Variants in RAP1GAP2 observed in about 807,000 individuals in gnomAD.
RAP1GAP2 encodes RAP1 GTPase activating protein 2.
Under a neutral mutation model 95.0 loss-of-function variants are expected in RAP1GAP2, and 27 were observed. The observed-to-expected ratio is 0.28, with a 90% CI of 0.21 to 0.39. The LOEUF (loss-of-function observed/expected upper bound fraction) is 0.39. Among genes scored for constraint, RAP1GAP2 ranks in the 10% least tolerant of loss-of-function variants. The pLI, the probability that RAP1GAP2 is intolerant of heterozygous loss-of-function variation, is 1.00. For synonymous variants in RAP1GAP2, 373 were observed against 380.9 expected, an observed-to-expected ratio of 0.98 and a Z score of 0.24; for missense variants, 771 against 970.0, an observed-to-expected ratio of 0.79 and a Z score of 2.72.
intron 2 of RAP1GAP2, among the ~76,000 whole-genome samples, chr17:2,865,333 A>G (rs2072577137): frequency 6.6e-6 from 1 of 152,218 alleles, no homozygotes; most frequent in African/African-American, 2.4e-5. Context: ...AAGGGATCAG[A>G]TGGGTCTCTG....
rs1037230047 is a variant in RAP1GAP2, at chr17:2,904,413, A to G, written c.81-871A>G. Among the ~76,000 whole-genome samples, 2 of 152,318 alleles carry G rather than the reference A, an allele frequency of 1.3e-5. No homozygotes were observed. The highest frequency in any genetic ancestry group is 1.3e-4 in the Admixed American group (2 of 15,306). On this transcript the variant is annotated intron_variant, in intron 2 of 24. Coordinates refer to ENST00000254695, the MANE Select transcript of RAP1GAP2 (RefSeq NM_015085.5). This position sits in a 1 kb window ranked among gnomAD's most constrained non-coding sequence, Gnocchi z 4.7. ...TTGTCGCAGTCATGTTGCCATGGTGACACAACTCTGTTTAGCTGCCTCTCT... is the reference window on the plus strand; with the variant it reads ...TTGTCGCAGTCATGTTGCCATGGTGGCACAACTCTGTTTAGCTGCCTCTCT...
intron 2 of RAP1GAP2, among the ~76,000 whole-genome samples, chr17:2,838,040 A>G (rs2071217454): frequency 1.3e-5 from 1 of 76,080 alleles, no homozygotes; most frequent in Non-Finnish European, 2.3e-5. Flanking sequence ...TTTTTTTGAG[A>G]CAGAGTCTCG....
chr17:2,876,007 G>A (rs187753583), intron 2 of RAP1GAP2, among the ~76,000 whole-genome samples: 263 of 151,144 alleles, frequency 1.7e-3, no homozygotes, highest in Non-Finnish European at 2.6e-3. Flanking sequence ...ATGCGATCTC[G>A]GCTCACCACA....
At chr17:2,873,102 G>GAA (rs780938204) in intron 2 of RAP1GAP2, among the ~76,000 whole-genome samples, 5 of 127,182 alleles carry the variant, frequency 3.9e-5, no homozygotes, top group Admixed American at 8.0e-5. Context: ...GACTTTGTCT[G>GAA]AAAAAAAAAA....
intron 3 of RAP1GAP2, among the ~76,000 whole-genome samples, chr17:2,947,889 T>TG (rs1286807136): frequency 2.0e-5 from 3 of 152,196 alleles, no homozygotes; most frequent in African/African-American, 7.2e-5. Flanking sequence ...AAACTCACTC[T>TG]GACCTGTTTG....
chr17:2,913,277 T>A (rs1223904456), intron 3 of RAP1GAP2, among the ~76,000 whole-genome samples: 1 of 151,548 alleles, frequency 6.6e-6, no homozygotes, highest in Non-Finnish European at 1.5e-5. Context: ...ATGTGCCTAT[T>A]TTCCCTAATT....
At chr17:2,803,658 C>T (rs1282187143) in intron 2 of RAP1GAP2, among the ~76,000 whole-genome samples, 3 of 152,202 alleles carry the variant, frequency 2.0e-5, no homozygotes, top group Non-Finnish European at 2.9e-5. Context: ...GCACGTGGAT[C>T]ATTTGAGGTC....
intron 2 of RAP1GAP2, among the ~76,000 whole-genome samples, chr17:2,830,540 C>G (rs1257675973): frequency 6.6e-6 from 1 of 151,914 alleles, no homozygotes; most frequent in Non-Finnish European, 1.5e-5. Context: ...ATGGTGAAAC[C>G]CCGTCTCTAC....
intron 3 of RAP1GAP2, among the ~76,000 whole-genome samples, chr17:2,932,230 C>T (rs865793077): frequency 6.6e-6 from 1 of 152,102 alleles, no homozygotes; most frequent in Non-Finnish European, 1.5e-5. Flanking sequence ...TCCTCCTTCG[C>T]GCTGAAGCAG....
intron 2 of RAP1GAP2, among the ~76,000 whole-genome samples, chr17:2,811,425 C>T (rs2069766007): frequency 6.6e-6 from 1 of 152,212 alleles, no homozygotes; most frequent in African/African-American, 2.4e-5. Context: ...GTGCTGGCCC[C>T]TGGTTCTTTT....
At chr17:3,007,891 G>T in intron 16 of RAP1GAP2, 120 bp from the exon 17 acceptor site, 1 of 1,256,904 alleles carries the variant, frequency 8.0e-7, no homozygotes, top group Non-Finnish European at 1.1e-6. Flanking sequence ...GGTCCACACC[G>T]TTGCTGGGCC....
chr17:2,854,802 C>T (rs1597445855), intron 2 of RAP1GAP2, among the ~76,000 whole-genome samples: 1 of 152,230 alleles, frequency 6.6e-6, no homozygotes, highest in Non-Finnish European at 1.5e-5. Flanking sequence ...TCCACCAGAC[C>T]CCAAGGAGCT....
At chr17:2,988,415 T>A (rs2045631816) in intron 11 of RAP1GAP2, among the ~76,000 whole-genome samples, 1 of 152,212 alleles carries the variant, frequency 6.6e-6, no homozygotes, top group Non-Finnish European at 1.5e-5. Context: ...CAACCACTCA[T>A]CTGTTCTCCA....
chr17:2,972,846 T>C (rs2044930763), intron 8 of RAP1GAP2, among the ~76,000 whole-genome samples: 1 of 152,202 alleles, frequency 6.6e-6, no homozygotes, highest in African/African-American at 2.4e-5. Context: ...CAAGGCTTAA[T>C]ATATGCCGGA....
intron 2 of RAP1GAP2, among the ~76,000 whole-genome samples, chr17:2,803,563 T>G (rs1219089800): frequency 1.3e-5 from 2 of 152,222 alleles, no homozygotes; most frequent in African/African-American, 4.8e-5. Flanking sequence ...ACAAAGTTGG[T>G]GCACTCATTC....
rs189155026 is a variant in RAP1GAP2 at position 3,030,777 on chromosome 17, G to C, written c.2108-145G>C. Reference sequence around the variant, plus strand: ...TTCTATAATCTAGGAGTTGGCTCTCGTGGGTCGGCACAGGTCAGCTAGGGT... The same window carrying C: ...TTCTATAATCTAGGAGTTGGCTCTCCTGGGTCGGCACAGGTCAGCTAGGGT... On this transcript the variant is annotated intron_variant, in intron 22 of 24. Transcript: ENST00000254695. The C allele has an allele frequency of 2.2e-3, 1,458 of 676,624 alleles. 6 individuals are homozygous for C. Among genetic ancestry groups the C allele is most frequent in the Non-Finnish European group, 2.9e-3 (1,154 of 398,000 alleles). The allele number at this position is 676,624 out of a possible 1,614,324, so 41.9% of individuals were successfully genotyped here.
At chr17:2,910,844 G>A (rs1426763323) in intron 3 of RAP1GAP2, among the ~76,000 whole-genome samples, 3 of 152,086 alleles carry the variant, frequency 2.0e-5, no homozygotes, top group Non-Finnish European at 4.4e-5. Flanking sequence ...TCCTGCCCCA[G>A]CGCACCACCA....
At chr17:2,831,146 C>T (rs1233513068) in intron 2 of RAP1GAP2, among the ~76,000 whole-genome samples, 7 of 129,066 alleles carry the variant, frequency 5.4e-5, no homozygotes, top group African/African-American at 8.9e-5. Context: ...GGTGTGATCT[C>T]GGCTCACTGC....
chr17:2,962,848 G>A (rs2044399221), intron 5 of RAP1GAP2, 134 bp downstream of exon 5: 5 of 843,722 alleles, frequency 5.9e-6, no homozygotes, highest in South Asian at 2.0e-5. Flanking sequence ...ACCACGGGCC[G>A]CTTCACGACT....
Sources: allele counts gnomAD v4.1 joint callset (sites outside exome capture counted in the v4.1 genomes callset), GRCh38; gene constraint gnomAD v4.1.1; non-coding constraint Gnocchi (gnomAD v3.1); transcripts MANE v1.5; gene names NCBI Gene and HGNC (gene_info 2026-07-23, HGNC 2026-07-21).